CYTH3: variants seen among roughly 807,000 people sequenced by gnomAD.
CYTH3 encodes cytohesin-3.
Under a neutral mutation model 55.1 loss-of-function variants are expected in CYTH3, and 23 were observed. The ratio of observed to expected loss-of-function variants is 0.42; its 90% CI spans 0.30 to 0.59. The LOEUF (loss-of-function observed/expected upper bound fraction) is 0.59, where lower values mean the gene tolerates loss of function less well. CYTH3 is among the 20% of genes least tolerant of loss of function. The pLI is 0.20. For synonymous variants in CYTH3, 249 were observed against 194.9 expected (o/e 1.28, Z -2.31); for missense variants, 413 against 524.8 (o/e 0.79, Z 2.08).
chr7:6,226,587 C>A (rs920913899), intron 1 of CYTH3, among the ~76,000 whole-genome samples: 1 of 152,148 alleles, frequency 6.6e-6, no homozygotes. Context: ...ATGGCTAATG[C>A]CCTGATTAAC....
At chr7:6,251,325 A>AT (rs1382264714) in intron 1 of CYTH3, among the ~76,000 whole-genome samples, 56 of 145,364 alleles carry the variant, frequency 3.9e-4, no homozygotes, top group African/African-American at 1.4e-3. Context: ...CTATCAGACT[A>AT]TTCTTTTTTT....
At chr7:6,204,868 A>T (rs2128547679) in intron 1 of CYTH3, among the ~76,000 whole-genome samples, 1 of 152,376 alleles carries the variant, frequency 6.6e-6, no homozygotes, top group Non-Finnish European at 1.5e-5. Context: ...AATCAATTGC[A>T]AAACAGTGAC....
chr7:6,215,714 C>G (rs1368764914), intron 1 of CYTH3, among the ~76,000 whole-genome samples: 1 of 151,720 alleles, frequency 6.6e-6, no homozygotes, highest in Non-Finnish European at 1.5e-5. Context: ...AGAGGCTAAA[C>G]AAACTTGAAA....
Position 6,190,482 on chromosome 7 carries a change from A to G in CYTH3, c.84T>C (p.Arg28=), listed in dbSNP as rs1457785564. Residue 28 remains arginine, a synonymous_variant, in exon 2 of 13, where the codon CGT becomes CGC. Coordinates refer to ENST00000350796, the MANE Select transcript of CYTH3 (RefSeq NM_004227.4). The part of the protein sequence containing the change: ...LEEREELLDI[R]RRKKELIDDI... ...CATCAATAAGTTCCTTTTTTCTTCG[A>G]CGAATGTCTAGAAGTTCTTCTCTCT... The G allele has an allele frequency of 2.0e-6, 3 of 1,496,498 alleles. No individual in the cohort carries two copies. Among genetic ancestry groups the G allele is most frequent in the Non-Finnish European group, 2.6e-6 (3 of 1,135,808 alleles). The allele number at this position is 1,496,498 out of a possible 1,614,324, so 92.7% of individuals were successfully genotyped here. A position where few individuals can be genotyped will look rare whatever the true frequency, so the allele number is the denominator to read the frequency against.
intron 1 of CYTH3, among the ~76,000 whole-genome samples, chr7:6,224,555 A>C (rs567929241): frequency 1.3e-5 from 2 of 152,350 alleles, no homozygotes; most frequent in Non-Finnish European, 2.9e-5. Context: ...TTTAAAAAAC[A>C]TACTAACAAG....
At chr7:6,191,920 A>G (rs899490726) in intron 1 of CYTH3, among the ~76,000 whole-genome samples, 1 of 152,010 alleles carries the variant, frequency 6.6e-6, no homozygotes, top group Non-Finnish European at 1.5e-5. Context: ...TGAACTAAAG[A>G]AAATGAAAAA....
At chr7:6,216,995 C>T (rs1784442961) in intron 1 of CYTH3, among the ~76,000 whole-genome samples, 1 of 151,978 alleles carries the variant, frequency 6.6e-6, no homozygotes, top group South Asian at 2.1e-4. Context: ...TCACTGCAAC[C>T]TCTGCCTCCC....
chr7:6,238,924 TA>T (rs952801537), intron 1 of CYTH3, among the ~76,000 whole-genome samples: 1 of 148,226 alleles, frequency 6.7e-6, no homozygotes, highest in East Asian at 1.9e-4. Context: ...ATAATAATAA[TA>T]AAAAAAAGCC....
chr7:6,259,795 A>AT lies in CYTH3; in HGVS notation c.34+12678dup, dbSNP rs1554255118. Among the ~76,000 whole-genome samples the AT allele has an allele frequency of 6.1e-3, 89 of 14,596 alleles. 2 individuals are homozygous for AT. Among genetic ancestry groups the AT allele is most frequent in the African/African-American group, 0.053 (85 of 1,602 alleles). The allele number at this position is 14,596 out of a possible 152,430, so 9.6% of individuals were successfully genotyped here. ...TATTATATATATATAATATATATAT[A>AT]TATATATATATATATATAATATATA... On this transcript the variant is annotated intron_variant, in intron 1 of 12. Coordinates refer to ENST00000350796, the MANE Select transcript of CYTH3 (RefSeq NM_004227.4).
chr7:6,197,439 T>C (rs951266955), intron 1 of CYTH3, among the ~76,000 whole-genome samples: 1 of 152,204 alleles, frequency 6.6e-6, no homozygotes, highest in Non-Finnish European at 1.5e-5. Flanking sequence ...TCTCAGCACT[T>C]TGGAAGGCCG....
At chr7:6,257,556 G>T (rs573312346) in intron 1 of CYTH3, among the ~76,000 whole-genome samples, 4 of 146,728 alleles carry the variant, frequency 2.7e-5, no homozygotes, top group South Asian at 4.4e-4. Flanking sequence ...ATACGAAAAC[G>T]TATTTTGTTT....
chr7:6,176,057 C>A (rs112348538), intron 5 of CYTH3, among the ~76,000 whole-genome samples: 2,275 of 152,122 alleles, frequency 0.015, 24 homozygotes, highest in Admixed American at 0.053. Context: ...CTCCAATCCA[C>A]GAACATGGGA....
intron 1 of CYTH3, among the ~76,000 whole-genome samples, chr7:6,195,598 G>A (rs1484964208): frequency 6.6e-6 from 1 of 152,058 alleles, no homozygotes; most frequent in African/African-American, 2.4e-5. Context: ...GGGATTACAG[G>A]TGCCTGCCAT....
intron 1 of CYTH3, among the ~76,000 whole-genome samples, chr7:6,268,475 T>C (rs1780567131): frequency 6.6e-6 from 1 of 152,216 alleles, no homozygotes; most frequent in African/African-American, 2.4e-5. Flanking sequence ...CGGCCTGCTC[T>C]TGTAACTTAA....
chr7:6,236,879 G>A (rs1236173124), intron 1 of CYTH3, among the ~76,000 whole-genome samples: 1 of 152,138 alleles, frequency 6.6e-6, no homozygotes, highest in Non-Finnish European at 1.5e-5. Flanking sequence ...CCATTTTTCT[G>A]ACAGTGTACC....
intron 1 of CYTH3, among the ~76,000 whole-genome samples, chr7:6,203,090 G>C (rs1269112752): frequency 1.3e-5 from 2 of 151,846 alleles, no homozygotes; most frequent in East Asian, 3.9e-4. Context: ...ATTTTGTTCA[G>C]TTATTCACAA....
chr7:6,194,174 A>G (rs1783865478), intron 1 of CYTH3, among the ~76,000 whole-genome samples: 1 of 152,214 alleles, frequency 6.6e-6, no homozygotes, highest in Admixed American at 6.5e-5. Flanking sequence ...AAAAAAGCAA[A>G]AAGGGATAAA....
At chr7:6,172,337 C>T (rs1295630319) in intron 6 of CYTH3, among the ~76,000 whole-genome samples, 12 of 152,196 alleles carry the variant, frequency 7.9e-5, no homozygotes, top group South Asian at 2.1e-4. Context: ...CCTTCTTCTC[C>T]GCCAGGCCTG....
intron 5 of CYTH3, among the ~76,000 whole-genome samples, chr7:6,177,358 T>C (rs775792783): frequency 2.6e-5 from 4 of 152,252 alleles, no homozygotes; most frequent in Non-Finnish European, 5.9e-5. Flanking sequence ...AGTCCTGCCC[T>C]AACCTCTGCT....
Sources: gnomAD v4.1 joint callset for allele counts (sites outside exome capture counted in the v4.1 genomes callset) on GRCh38, gnomAD v4.1.1 for gene constraint, MANE v1.5 for transcripts, NCBI Gene and HGNC (gene_info 2026-07-23, HGNC 2026-07-21) for gene names.